BAZ2B: variants seen among roughly 807,000 people sequenced by gnomAD.
BAZ2B encodes bromodomain adjacent to zinc finger domain protein 2B.
A neutral mutation model predicts 246.0 loss-of-function variants in BAZ2B; 91 were observed. The observed-to-expected ratio is 0.37, with a 90% CI of 0.31 to 0.44. The LOEUF is 0.44. Ranked by LOEUF, BAZ2B falls within the 20% of genes least tolerant of loss-of-function variation. The pLI, the probability that BAZ2B is intolerant of heterozygous loss-of-function variation, is 1.00. For synonymous variants in BAZ2B, 855 were observed against 860.0 expected (o/e 0.99, Z 0.10); for missense variants, 2,332 against 2,533.7 (o/e 0.92, Z 1.71).
chr2:159,530,602 G>C (rs1244919802), intron 2 of BAZ2B, among the ~76,000 whole-genome samples: 2 of 152,118 alleles, frequency 1.3e-5, no homozygotes, highest in African/African-American at 2.4e-5. Flanking sequence ...TAACAACAGA[G>C]TTATGCATAT....
intron 31 of BAZ2B, among the ~76,000 whole-genome samples, chr2:159,339,775 G>A (rs1016146296): frequency 6.6e-6 from 1 of 152,096 alleles, no homozygotes; most frequent in South Asian, 2.1e-4. Context: ...CAGCAAAATG[G>A]ATGGACTGGA....
intron 1 of BAZ2B, among the ~76,000 whole-genome samples, chr2:159,607,948 T>C (rs980647841): frequency 2.0e-5 from 3 of 152,248 alleles, no homozygotes; most frequent in African/African-American, 7.2e-5. Flanking sequence ...CTCCTCCTTT[T>C]CCTATTATTA....
At chr2:159,431,205 T>C in intron 9 of BAZ2B, 49 bp from the exon 10 acceptor site, 1 of 1,538,240 alleles carries the variant, frequency 6.5e-7, no homozygotes, top group Non-Finnish European at 8.7e-7. Flanking sequence ...TAATCACCAA[T>C]AATTTGCAGT....
chr2:159,496,070 G>T (rs1049333914), intron 2 of BAZ2B, among the ~76,000 whole-genome samples: 1 of 147,600 alleles, frequency 6.8e-6, no homozygotes, highest in Non-Finnish European at 1.5e-5. Context: ...CGCCCAGCCA[G>T]AAGAAATACT....
At chr2:159,322,106 A>T (rs1364153912) in intron 36 of BAZ2B, 1 of 152,166 alleles carries the variant, frequency 6.6e-6, no homozygotes, top group Non-Finnish European at 1.5e-5. Context: ...GTCAAAGTGG[A>T]ATTCTATTTC....
chr2:159,699,310 A>G, the BAZ2B span, among the ~76,000 whole-genome samples: 1 of 152,204 alleles, frequency 6.6e-6, no homozygotes, highest in Non-Finnish European at 1.5e-5. Flanking sequence ...AGGGAGGCCA[A>G]GATGAGAGGA....
intron 10 of BAZ2B, among the ~76,000 whole-genome samples, chr2:159,430,107 A>G (rs1014946395): frequency 6.6e-6 from 1 of 152,206 alleles, no homozygotes; most frequent in African/African-American, 2.4e-5. Context: ...TTGGGCAGAT[A>G]GCATCTTAAG....
chr2:159,608,345 A>G (rs1014111525), intron 1 of BAZ2B, among the ~76,000 whole-genome samples: 1 of 152,258 alleles, frequency 6.6e-6, no homozygotes, highest in African/African-American at 2.4e-5. Context: ...ACTGCACTCC[A>G]GCCTGGACAA....
the BAZ2B span, among the ~76,000 whole-genome samples, chr2:159,699,725 G>A: frequency 6.6e-6 from 1 of 151,908 alleles, no homozygotes; most frequent in Non-Finnish European, 1.5e-5. Context: ...CCTTTTCTGG[G>A]CCCAGTTGTA....
intron 1 of BAZ2B, among the ~76,000 whole-genome samples, chr2:159,612,424 T>TG (rs1261447073): frequency 6.6e-6 from 1 of 152,068 alleles, no homozygotes; most frequent in East Asian, 1.9e-4. Context: ...CACTAAAACT[T>TG]GATGACGTAA....
chr2:159,613,037 A>AAT (rs1695022371), intron 1 of BAZ2B, among the ~76,000 whole-genome samples: 2 of 147,520 alleles, frequency 1.4e-5, no homozygotes, highest in Admixed American at 1.3e-4. Context: ...GAAAATGCTA[A>AAT]ATATAATTAC....
chr2:159,473,426 A>G (rs1280707838), intron 3 of BAZ2B, among the ~76,000 whole-genome samples: 1 of 152,076 alleles, frequency 6.6e-6, no homozygotes, highest in African/African-American at 2.4e-5. Context: ...CCACTTTATC[A>G]TTTTTATTGC....
chr2:159,366,087 C>CTGG (rs1325844267), intron 27 of BAZ2B, among the ~76,000 whole-genome samples: 1 of 152,176 alleles, frequency 6.6e-6, no homozygotes, highest in Admixed American at 6.5e-5. Context: ...CTCATTTGCC[C>CTGG]TGGCCCTCCA....
chr2:159,346,433 A>AGTGGCTC (rs2067814775), intron 31 of BAZ2B, among the ~76,000 whole-genome samples: 1 of 152,202 alleles, frequency 6.6e-6, no homozygotes, highest in South Asian at 2.1e-4. Flanking sequence ...AGCCAGGCAC[A>AGTGGCTC]GTGGCTCATG....
At chr2:159,544,241 A>G (rs2087019690) in intron 2 of BAZ2B, among the ~76,000 whole-genome samples, 1 of 152,148 alleles carries the variant, frequency 6.6e-6, no homozygotes, top group African/African-American at 2.4e-5. Flanking sequence ...TATGTAAAAC[A>G]GTGATAATAA....
chr2:159,539,891 T>C (rs557993534), intron 2 of BAZ2B, among the ~76,000 whole-genome samples: 4 of 152,254 alleles, frequency 2.6e-5, no homozygotes, highest in Admixed American at 2.6e-4. Context: ...ACACGACACC[T>C]GGCTCTTTCT....
the BAZ2B span, among the ~76,000 whole-genome samples, chr2:159,652,211 C>CTTT: frequency 3.6e-5 from 5 of 139,044 alleles, no homozygotes; most frequent in Non-Finnish European, 7.8e-5. Flanking sequence ...TTGTTACTCT[C>CTTT]TTTTTTTTTT....
chr2:159,580,328 G>C (rs547448714), intron 1 of BAZ2B, among the ~76,000 whole-genome samples: 1 of 152,054 alleles, frequency 6.6e-6, no homozygotes, highest in Non-Finnish European at 1.5e-5. Context: ...GCTTCAAAGA[G>C]AATAAAATAC....
At chr2:159,568,400 T>C (rs1234211879) in intron 1 of BAZ2B, among the ~76,000 whole-genome samples, 1 of 152,228 alleles carries the variant, frequency 6.6e-6, no homozygotes, top group African/African-American at 2.4e-5. Flanking sequence ...AATTTTTTCA[T>C]CATGACTGGA....
Sources: allele counts gnomAD v4.1 joint callset (sites outside exome capture counted in the v4.1 genomes callset), GRCh38; gene constraint gnomAD v4.1.1; transcripts MANE v1.5; gene names NCBI Gene and HGNC (gene_info 2026-07-23, HGNC 2026-07-21).